The following NAV3 variants were observed in gnomAD, a reference collection of about 807,000 sequenced individuals.
The protein encoded by NAV3 is pore membrane and/or filament interacting like protein 1.
NAV3 carries 87 observed loss-of-function variants against 244.7 expected under a neutral mutation model. The ratio of observed to expected loss-of-function variants is 0.36; its 90% CI spans 0.30 to 0.42. The LOEUF (loss-of-function observed/expected upper bound fraction) is 0.42, where lower values mean the gene tolerates loss of function less well. NAV3 is among the 20% of genes least tolerant of loss of function. NAV3 has a pLI of 1.00. For missense variants in NAV3, 2,663 were observed against 2,893.3 expected (o/e 0.92, Z 1.83); for synonymous variants, 1,126 against 1,042.2 (o/e 1.08, Z -1.55).
intron 12 of NAV3, among the ~76,000 whole-genome samples, chr12:78,109,919 C>T (rs1955002822): frequency 6.6e-6 from 1 of 151,968 alleles, no homozygotes; most frequent in Non-Finnish European, 1.5e-5. Flanking sequence ...CACTCCTATC[C>T]ACATAGTACT....
At chr12:77,598,911 A>G (rs1870295973) in intron 2 of NAV3, among the ~76,000 whole-genome samples, 1 of 151,966 alleles carries the variant, frequency 6.6e-6, no homozygotes, top group Admixed American at 6.6e-5. Flanking sequence ...TGGTATTGTT[A>G]ACTGTAGGTA....
chr12:77,883,405 A>AGC (rs1882902256), intron 1 of NAV3, among the ~76,000 whole-genome samples: 1 of 152,084 alleles, frequency 6.6e-6, no homozygotes. Context: ...ACATGGAGAT[A>AGC]ACCATGGGAA....
At chr12:77,596,997 C>T (rs1870200301) in intron 2 of NAV3, among the ~76,000 whole-genome samples, 1 of 152,070 alleles carries the variant, frequency 6.6e-6, no homozygotes, top group Non-Finnish European at 1.5e-5. Flanking sequence ...TCCATCGAGT[C>T]CATCCTTTGC....
intron 24 of NAV3, among the ~76,000 whole-genome samples, chr12:78,170,100 A>G (rs1172948574): frequency 6.6e-6 from 1 of 151,734 alleles, no homozygotes; most frequent in Admixed American, 6.6e-5. Context: ...TGTCAAATCT[A>G]GGTCTCCAGG....
chr12:77,612,936 C>T (rs1870982503), intron 2 of NAV3, among the ~76,000 whole-genome samples: 1 of 151,962 alleles, frequency 6.6e-6, no homozygotes, highest in South Asian at 2.1e-4. Flanking sequence ...AGGGGCTTTT[C>T]CCCCTTTTGC....
At chr12:77,664,807 C>CA (rs1029509496) in intron 2 of NAV3, among the ~76,000 whole-genome samples, 4 of 152,034 alleles carry the variant, frequency 2.6e-5, no homozygotes, top group Non-Finnish European at 4.4e-5. Flanking sequence ...GATTAAAAAA[C>CA]AAAAAAGAGA....
At chr12:77,852,697 C>G (rs1235410333) in intron 1 of NAV3, among the ~76,000 whole-genome samples, 1 of 151,996 alleles carries the variant, frequency 6.6e-6, no homozygotes, top group Admixed American at 6.6e-5. Context: ...AGTACACATA[C>G]CATAAATATG....
intron 12 of NAV3, among the ~76,000 whole-genome samples, chr12:78,062,284 A>C (rs1245842736): frequency 6.6e-6 from 1 of 152,168 alleles, no homozygotes. Context: ...ATGTGAGTTT[A>C]AAAAGAAAAC....
rs151214584 is a variant in NAV3 at position 77,910,326 on chromosome 12, A to C, written c.244-29993A>C. On this transcript the variant is annotated intron_variant, in intron 1 of 39. Coordinates refer to ENST00000397909, the MANE Select transcript of NAV3 (RefSeq NM_001024383.2). ...GAGGGAGCAAGAGAGAGAGGGGAGG[A>C]GGTGTCAGACTGTTTAAACAACCAA... Among the ~76,000 whole-genome samples the C allele has an allele frequency of 2.6e-3, 400 of 151,966 alleles. 4 individuals are homozygous for C. The highest frequency in any genetic ancestry group is 0.01 in the Middle Eastern group (3 of 294).
intron 1 of NAV3, among the ~76,000 whole-genome samples, chr12:77,844,209 T>G (rs1160626745): frequency 6.6e-6 from 1 of 152,202 alleles, no homozygotes; most frequent in Non-Finnish European, 1.5e-5. Flanking sequence ...GGGCTAACTC[T>G]GCTTCCAAAA....
chr12:78,061,128 C>T (rs952222606), intron 12 of NAV3, among the ~76,000 whole-genome samples: 4 of 152,304 alleles, frequency 2.6e-5, no homozygotes, highest in Non-Finnish European at 4.4e-5. Flanking sequence ...TTCTCAGCTT[C>T]ATCCAAGACT....
At chr12:77,678,941 C>T (rs1874327195) in intron 2 of NAV3, among the ~76,000 whole-genome samples, 1 of 152,110 alleles carries the variant, frequency 6.6e-6, no homozygotes. Context: ...TTAAGTATCT[C>T]ATTATCCTTT....
intron 2 of NAV3, among the ~76,000 whole-genome samples, chr12:77,732,568 G>T (rs1180909723): frequency 1.3e-5 from 2 of 151,938 alleles, no homozygotes; most frequent in South Asian, 4.1e-4. Context: ...TTACTGAGAG[G>T]TTATTGCTGA....
intron 2 of NAV3, among the ~76,000 whole-genome samples, chr12:77,693,271 G>A (rs1592589202): frequency 6.6e-6 from 1 of 152,166 alleles, no homozygotes; most frequent in East Asian, 1.9e-4. Context: ...AGAAATAATA[G>A]TGTGCAACTT....
At chr12:77,669,602 A>C (rs1664718330) in intron 2 of NAV3, among the ~76,000 whole-genome samples, 1 of 152,188 alleles carries the variant, frequency 6.6e-6, no homozygotes, top group Admixed American at 6.5e-5. Flanking sequence ...TAAAAAAGAC[A>C]AAGAGGGATG....
intron 11 of NAV3, among the ~76,000 whole-genome samples, chr12:78,056,664 G>C (rs934061312): frequency 6.6e-6 from 1 of 150,824 alleles, no homozygotes; most frequent in Non-Finnish European, 1.5e-5. Context: ...AGGAAGCAGA[G>C]GTTGCAGTGA....
At chr12:78,107,615 A>G (rs969514514) in intron 12 of NAV3, among the ~76,000 whole-genome samples, 1 of 152,146 alleles carries the variant, frequency 6.6e-6, no homozygotes, top group African/African-American at 2.4e-5. Context: ...AAAGAAAAAA[A>G]AAACTATCAG....
intron 2 of NAV3, among the ~76,000 whole-genome samples, chr12:77,734,352 A>G (rs1877250630): frequency 6.6e-6 from 1 of 151,966 alleles, no homozygotes; most frequent in Non-Finnish European, 1.5e-5. Flanking sequence ...AGCTGAAATC[A>G]TAGACCTTGC....
intron 5 of NAV3, among the ~76,000 whole-genome samples, chr12:77,987,337 G>A (rs1431344116): frequency 6.6e-6 from 1 of 152,144 alleles, no homozygotes; most frequent in Non-Finnish European, 1.5e-5. Flanking sequence ...TTTACAAAAT[G>A]TATAAAATGC....
Sources: allele counts gnomAD v4.1 joint callset (sites outside exome capture counted in the v4.1 genomes callset), GRCh38; gene constraint gnomAD v4.1.1; transcripts MANE v1.5; gene names NCBI Gene and HGNC (gene_info 2026-07-23, HGNC 2026-07-21).